NALF1: variants seen among roughly 807,000 people sequenced by gnomAD.
The protein encoded by NALF1 is family with sequence similarity 155 member A.
NALF1 carries 3 observed loss-of-function variants against 48.4 expected under a neutral mutation model. That is an observed-to-expected ratio of 0.06 (90% confidence interval 0.03 to 0.16). The LOEUF is 0.16. Ranked by LOEUF, NALF1 falls within the 10% of genes least tolerant of loss-of-function variation. NALF1 has a pLI of 1.00. For synonymous variants in NALF1, 262 were observed against 245.7 expected (o/e 1.07, Z -0.62); for missense variants, 526 against 571.5 (o/e 0.92, Z 0.81).
At chr13:107,833,656 G>A (rs1879807087) in intron 1 of NALF1, among the ~76,000 whole-genome samples, 1 of 152,102 alleles carries the variant, frequency 6.6e-6, no homozygotes, top group South Asian at 2.1e-4. Context: ...CGAAAGCAAT[G>A]GGGAAACAGA....
intron 2 of NALF1, among the ~76,000 whole-genome samples, chr13:107,184,350 G>A (rs765452448): frequency 1.3e-5 from 2 of 151,940 alleles, no homozygotes; most frequent in East Asian, 1.9e-4. Flanking sequence ...TTAATGCGCC[G>A]ATGGAAAGGT....
intron 1 of NALF1, among the ~76,000 whole-genome samples, chr13:107,313,199 A>T (rs77934517): frequency 0.014 from 2,200 of 152,244 alleles, 61 homozygotes; most frequent in African/African-American, 0.051. Flanking sequence ...GAAACTCCCA[A>T]AAAAATAGAA....
At chr13:107,282,564 T>C (rs1881409917) in intron 1 of NALF1, among the ~76,000 whole-genome samples, 1 of 152,286 alleles carries the variant, frequency 6.6e-6, no homozygotes, top group Admixed American at 6.5e-5. Context: ...AGTGGAGTAG[T>C]GCAGTAATGA....
At chr13:107,335,046 G>A (rs191356214) in intron 1 of NALF1, among the ~76,000 whole-genome samples, 5 of 152,212 alleles carry the variant, frequency 3.3e-5, no homozygotes, top group East Asian at 1.9e-4. Context: ...TGAAGTCTTC[G>A]TGATCTCCTC....
At chr13:107,608,369 T>C (rs915640561) in intron 1 of NALF1, among the ~76,000 whole-genome samples, 3 of 152,192 alleles carry the variant, frequency 2.0e-5, no homozygotes, top group African/African-American at 7.2e-5. Flanking sequence ...CTACAGATAA[T>C]TCCAGGCCCC....
At chr13:107,806,241 GGTAATTTAAT>G (rs1387401672) in intron 1 of NALF1, among the ~76,000 whole-genome samples, 2 of 152,074 alleles carry the variant, frequency 1.3e-5, no homozygotes, top group Non-Finnish European at 2.9e-5. Context: ...TGTGCCTTCA[GGTAATTTAAT>G]GTAGTCACTA....
At chr13:107,395,512 C>T (rs563162485) in intron 1 of NALF1, among the ~76,000 whole-genome samples, 3 of 152,044 alleles carry the variant, frequency 2.0e-5, no homozygotes, top group Non-Finnish European at 2.9e-5. Context: ...ACAGCTGGGT[C>T]GTCGAGAAGT....
intron 1 of NALF1, among the ~76,000 whole-genome samples, chr13:107,586,082 G>A (rs1878447699): frequency 1.3e-5 from 2 of 152,014 alleles, no homozygotes; most frequent in Admixed American, 1.3e-4. Context: ...TACTTATATT[G>A]AATATAGAAG....
chr13:107,541,118 A>C (rs17469200), intron 1 of NALF1, among the ~76,000 whole-genome samples: 17,157 of 152,116 alleles, frequency 0.11, 1,319 homozygotes, highest in Admixed American at 0.19. Flanking sequence ...ACTCAATCCA[A>C]AGCTTTTAAT....
intron 1 of NALF1, among the ~76,000 whole-genome samples, chr13:107,806,141 G>A (rs976820713): frequency 6.6e-6 from 1 of 152,120 alleles, no homozygotes; most frequent in Non-Finnish European, 1.5e-5. Context: ...GGTTGGGAAG[G>A]CACATGCGTT....
intron 1 of NALF1, among the ~76,000 whole-genome samples, chr13:107,322,425 T>C (rs1398936153): frequency 2.6e-5 from 4 of 152,176 alleles, no homozygotes; most frequent in African/African-American, 9.7e-5. Flanking sequence ...TATTATTAAG[T>C]AAATACCAAC....
intron 1 of NALF1, among the ~76,000 whole-genome samples, chr13:107,644,064 ATTTATT>A (rs146738786): frequency 0.31 from 46,963 of 151,092 alleles, 7,824 homozygotes; most frequent in East Asian, 0.5. Context: ...TTTGACAGAT[ATTTATT>A]TTTAAGTAGA....
At chr13:107,611,696 A>C (rs955752022) in intron 1 of NALF1, among the ~76,000 whole-genome samples, 1 of 151,998 alleles carries the variant, frequency 6.6e-6, no homozygotes. Flanking sequence ...GTCTGGGCAA[A>C]AAAGCAAGAC....
intron 1 of NALF1, among the ~76,000 whole-genome samples, chr13:107,504,815 G>T (rs1405091705): frequency 6.6e-6 from 1 of 152,138 alleles, no homozygotes; most frequent in African/African-American, 2.4e-5. Flanking sequence ...AGGAGAAAAA[G>T]ATCATCCTGG....
At chr13:107,732,785 C>A (rs1876349210) in intron 1 of NALF1, among the ~76,000 whole-genome samples, 2 of 152,110 alleles carry the variant, frequency 1.3e-5, no homozygotes, top group African/African-American at 4.8e-5. Flanking sequence ...TAACATAAAC[C>A]TATTGCAAAG....
At chr13:107,768,827 T>G (rs922303177) in intron 1 of NALF1, among the ~76,000 whole-genome samples, 1 of 151,664 alleles carries the variant, frequency 6.6e-6, no homozygotes, top group Non-Finnish European at 1.5e-5. Flanking sequence ...TACAATGAAC[T>G]CAAACAAATT....
chr13:107,771,103 C>A (rs1877564244), intron 1 of NALF1, among the ~76,000 whole-genome samples: 1 of 152,132 alleles, frequency 6.6e-6, no homozygotes, highest in South Asian at 2.1e-4. Context: ...TTCTATCTTG[C>A]AGATTAAATT....
chr13:107,773,311 T>C (rs919041132), intron 1 of NALF1, among the ~76,000 whole-genome samples: 1 of 152,172 alleles, frequency 6.6e-6, no homozygotes, highest in Non-Finnish European at 1.5e-5. Context: ...TTGATACACA[T>C]GATAAATCAT....
chr13:107,529,913 T>C (rs1343050066), intron 1 of NALF1, among the ~76,000 whole-genome samples: 1 of 152,020 alleles, frequency 6.6e-6, no homozygotes. Context: ...CTCCAAGGTA[T>C]CTTTCCATAA....
Sources: gnomAD v4.1 joint callset for allele counts (sites outside exome capture counted in the v4.1 genomes callset) on GRCh38, gnomAD v4.1.1 for gene constraint, MANE v1.5 for transcripts, NCBI Gene and HGNC (gene_info 2026-07-23, HGNC 2026-07-21) for gene names.